The following RXFP1 variants were observed in gnomAD, a reference collection of about 807,000 sequenced individuals.
RXFP1 encodes relaxin family peptide receptor 1, also known as relaxin receptor 1.
RXFP1 carries 73 observed loss-of-function variants against 89.8 expected under a neutral mutation model. That is an observed-to-expected ratio of 0.81 (90% CI 0.67 to 0.99). The LOEUF is 0.99. RXFP1 is among the 50% of genes least tolerant of loss of function. RXFP1 has a pLI of 0.00. For synonymous variants in RXFP1, 277 were observed against 305.5 expected (o/e 0.91, Z 0.97); for missense variants, 793 against 895.5 (o/e 0.89, Z 1.46).
At chr4:158,601,793 T>G (rs552734251) in intron 4 of RXFP1, among the ~76,000 whole-genome samples, 2 of 152,296 alleles carry the variant, frequency 1.3e-5, no homozygotes, top group Non-Finnish European at 2.9e-5. Context: ...TTTATTGAAG[T>G]TGGGATTTTT....
In RXFP1 at chr4:158,548,230, T is replaced by G. The variant is rs557415438; in HGVS notation, c.50-24468T>G. Among the ~76,000 whole-genome samples, 480 of 152,338 alleles carry G rather than the reference T, an allele frequency of 3.2e-3. 4 individuals are homozygous for G. The highest frequency in any genetic ancestry group is 0.011 in the African/African-American group (449 of 41,572). On this transcript the variant is annotated intron_variant, in intron 1 of 17. Coordinates refer to ENST00000307765, the MANE Select transcript of RXFP1 (RefSeq NM_021634.4). ...TGGCCTTCTTTGTCTCTTTTGATCT[T>G]TGTTGGTTTAAAGTCTGTTTTATCA...
At position 158,648,622 on chromosome 4, in the gene RXFP1, C is replaced by T; in HGVS notation, c.1880C>T (p.Ala627Val). The T allele has an allele frequency of 1.9e-6, 3 of 1,613,244 alleles. No homozygotes were observed. Among genetic ancestry groups the T allele is most frequent in the South Asian group, 1.1e-5 (1 of 91,002 alleles). ...CAAGTTAAAAAAGAGATGATCCTTG[C>T]CAAACGTTTTTTCTTTATAGTATTT... ...RNQVKKEMIL[A>V]KRFFFIVFTD... Residue 627 changes from alanine (A) to valine (V), a missense_variant, in exon 17 of 18, where the codon GCC becomes GTC. Ala to Val is a moderately conservative substitution (Grantham distance 64). Transcript: ENST00000307765.
At chr4:158,643,231 T>C (rs2150247321) in intron 14 of RXFP1, among the ~76,000 whole-genome samples, 1 of 152,296 alleles carries the variant, frequency 6.6e-6, no homozygotes, top group African/African-American at 2.4e-5. Flanking sequence ...TGCTTTTCTA[T>C]GTCTGCAGCT....
chr4:158,616,514 C>T (rs893480461), intron 8 of RXFP1, among the ~76,000 whole-genome samples: 1 of 148,582 alleles, frequency 6.7e-6, no homozygotes, highest in Non-Finnish European at 1.5e-5. Flanking sequence ...GCCTTTAAAT[C>T]ATCTCCTTTC....
intron 4 of RXFP1, 87 bp from the exon 5 acceptor site, chr4:158,604,981 A>C (rs1297467475): frequency 4.4e-6 from 3 of 685,966 alleles, no homozygotes; most frequent in Non-Finnish European, 7.5e-6. Context: ...CTAGTACTAA[A>C]GTAAATAGTT....
intron 14 of RXFP1, among the ~76,000 whole-genome samples, chr4:158,643,502 T>C (rs6846122): frequency 7.3e-6 from 1 of 136,778 alleles, no homozygotes; most frequent in Non-Finnish European, 1.5e-5. Context: ...ACAGAGTCTC[T>C]CTTTGTCACC....
chr4:158,561,793 A>G (rs1391506217), intron 1 of RXFP1, among the ~76,000 whole-genome samples: 1 of 151,672 alleles, frequency 6.6e-6, no homozygotes, highest in African/African-American at 2.4e-5. Context: ...ATGCTCGGCT[A>G]ATTTTTGTAT....
chr4:158,606,399 T>C (rs77198605), intron 5 of RXFP1, among the ~76,000 whole-genome samples: 1,800 of 152,330 alleles, frequency 0.012, 9 homozygotes, highest in Non-Finnish European at 0.016. Flanking sequence ...ATGATCAAAA[T>C]AGCCTAATTA....
At position 158,619,885 on chromosome 4, in the gene RXFP1, T is replaced by G. The variant is rs75225205; in HGVS notation, c.755+2680T>G. Among the ~76,000 whole-genome samples the G allele has an allele frequency of 8.5e-3, 1,294 of 151,812 alleles. 18 individuals are homozygous for G. The highest frequency in any genetic ancestry group is 0.03 in the African/African-American group (1,228 of 41,392). ...ATCAAAGCAGTGGGTAGTGCCCATTTGTATCACGGCAGGAAATGCTCTTAT... is the reference window on the plus strand; with the variant it reads ...ATCAAAGCAGTGGGTAGTGCCCATTGGTATCACGGCAGGAAATGCTCTTAT... On this transcript the variant is annotated intron_variant, in intron 9 of 17. Coordinates refer to ENST00000307765, the MANE Select transcript of RXFP1 (RefSeq NM_021634.4).
chr4:158,596,909 CCCTGGAAGA>C (rs1422362470), intron 3 of RXFP1, among the ~76,000 whole-genome samples: 1 of 152,016 alleles, frequency 6.6e-6, no homozygotes, highest in Non-Finnish European at 1.5e-5. Context: ...TGATCCTGCA[CCCTGGAAGA>C]CATTTGTCAC....
rs187807049 is a variant in RXFP1, at chr4:158,630,399, C to T, written c.899+1690C>T. Among the ~76,000 whole-genome samples the T allele has an allele frequency of 9.8e-4, 149 of 152,270 alleles. No homozygotes were observed. The Middle Eastern group carries it at 0.014, about 14-fold the overall frequency. ...GTAGGGGGAGATGCAGCTGGATGAT[C>T]CAAAGTATTATCTAGACATTAGAAT... On this transcript the variant is annotated intron_variant, in intron 11 of 17. Coordinates refer to ENST00000307765, the MANE Select transcript of RXFP1 (RefSeq NM_021634.4).
intron 3 of RXFP1, among the ~76,000 whole-genome samples, chr4:158,597,398 T>C (rs1760836411): frequency 6.6e-6 from 1 of 152,226 alleles, no homozygotes; most frequent in African/African-American, 2.4e-5. Context: ...TTAACCATAA[T>C]TTGACCATTC....
chr4:158,588,449 C>T (rs908997470), intron 2 of RXFP1, among the ~76,000 whole-genome samples: 2 of 152,150 alleles, frequency 1.3e-5, no homozygotes, highest in Non-Finnish European at 2.9e-5. Flanking sequence ...GACATCCATG[C>T]TGTTGGATCC....
At chr4:158,549,374 A>G (rs1213936933) in intron 1 of RXFP1, among the ~76,000 whole-genome samples, 1 of 152,028 alleles carries the variant, frequency 6.6e-6, no homozygotes, top group African/African-American at 2.4e-5. Flanking sequence ...CAAAGTTTTT[A>G]ACTTCTTTGC....
At chr4:158,635,857 T>A (rs59891546) in intron 12 of RXFP1, among the ~76,000 whole-genome samples, 14,644 of 151,904 alleles carry the variant, frequency 0.096, 2,257 homozygotes, top group African/African-American at 0.33. Context: ...TCTTTTTTTT[T>A]AATTTTGTTT....
chr4:158,643,126 G>A (rs979222003), intron 14 of RXFP1, among the ~76,000 whole-genome samples: 1 of 152,138 alleles, frequency 6.6e-6, no homozygotes, highest in African/African-American at 2.4e-5. Flanking sequence ...CAAAGAAAAG[G>A]AAAGATGGAG....
chr4:158,551,715 A>T (rs935467179), intron 1 of RXFP1, among the ~76,000 whole-genome samples: 20 of 152,182 alleles, frequency 1.3e-4, no homozygotes, highest in African/African-American at 4.6e-4. Flanking sequence ...CCGAGGTGAA[A>T]GTATGCTTGA....
chr4:158,628,051 A>G (rs985455369), intron 10 of RXFP1, among the ~76,000 whole-genome samples: 6 of 152,180 alleles, frequency 3.9e-5, no homozygotes, highest in African/African-American at 1.4e-4. Context: ...ATGTCATACA[A>G]TGTTTAAAAA....
At chr4:158,610,240 G>A (rs1158846709) in intron 6 of RXFP1, among the ~76,000 whole-genome samples, 1 of 152,062 alleles carries the variant, frequency 6.6e-6, no homozygotes, top group Non-Finnish European at 1.5e-5. Flanking sequence ...ACTCCAGCCT[G>A]GGCATCAGAG....
Sources: allele counts gnomAD v4.1 joint callset (sites outside exome capture counted in the v4.1 genomes callset), GRCh38; gene constraint gnomAD v4.1.1; transcripts MANE v1.5; gene names NCBI Gene and HGNC (gene_info 2026-07-23, HGNC 2026-07-21).